Variants in PRDM16 observed in about 807,000 individuals in gnomAD.
PRDM16 encodes histone-lysine N-methyltransferase PRDM16.
In PRDM16, 23 loss-of-function variants were observed where a neutral mutation model predicts 110.6. The ratio of observed to expected loss-of-function variants is 0.21; its 90% CI spans 0.15 to 0.29. The LOEUF (loss-of-function observed/expected upper bound fraction) is 0.29. Ranked by LOEUF, PRDM16 falls within the 10% of genes least tolerant of loss-of-function variation. The pLI, the probability that PRDM16 is intolerant of heterozygous loss-of-function variation, is 1.00. For synonymous variants in PRDM16, 799 were observed against 781.8 expected (o/e 1.02, Z -0.37); for missense variants, 1,615 against 1,794.3 (o/e 0.90, Z 1.81).
At chr1:3,076,915 G>A (rs1641914210) in intron 1 of PRDM16, among the ~76,000 whole-genome samples, 1 of 152,038 alleles carries the variant, frequency 6.6e-6, no homozygotes, top group Non-Finnish European at 1.5e-5. Flanking sequence ...TTTTTGGGGG[G>A]GACACAGGAA....
chr1:3,094,586 A>C (rs1311134398), intron 1 of PRDM16, among the ~76,000 whole-genome samples: 1 of 152,336 alleles, frequency 6.6e-6, no homozygotes, highest in East Asian at 1.9e-4. Context: ...CTTGGCCGTC[A>C]CTTCCACTGG....
intron 3 of PRDM16, among the ~76,000 whole-genome samples, chr1:3,258,962 T>C (rs1041666543): frequency 1.3e-5 from 2 of 151,936 alleles, no homozygotes; most frequent in African/African-American, 2.4e-5. Context: ...AAAAATAAAA[T>C]GAGGAGGAGG....
At chr1:3,278,934 G>A (rs1022256457) in intron 3 of PRDM16, among the ~76,000 whole-genome samples, 12 of 152,186 alleles carry the variant, frequency 7.9e-5, no homozygotes, top group African/African-American at 2.2e-4. Context: ...GCTTCCCTCC[G>A]GCCGGCCCTG....
At chr1:3,122,742 C>T (rs1643121420) in intron 1 of PRDM16, among the ~76,000 whole-genome samples, 1 of 152,146 alleles carries the variant, frequency 6.6e-6, no homozygotes, top group Non-Finnish European at 1.5e-5. Flanking sequence ...GTTTCACTAA[C>T]TGGCCAGAAT....
At chr1:3,365,347 T>C (rs542283078) in intron 3 of PRDM16, among the ~76,000 whole-genome samples, 2 of 152,278 alleles carry the variant, frequency 1.3e-5, no homozygotes, top group East Asian at 3.9e-4. Flanking sequence ...GGCTGGGGGC[T>C]GTCCCTGCCC....
intron 3 of PRDM16, among the ~76,000 whole-genome samples, chr1:3,273,581 CAT>C (rs372257583): frequency 1.8e-4 from 28 of 151,860 alleles, no homozygotes; most frequent in South Asian, 1.0e-3. Context: ...CATGTGTGCA[CAT>C]GTGTGGGTAG....
intron 1 of PRDM16, among the ~76,000 whole-genome samples, chr1:3,176,247 G>A (rs1276257966): frequency 2.0e-5 from 3 of 149,226 alleles, no homozygotes. Context: ...ACCTATCTAT[G>A]CATTCATCCA....
At position 3,354,830 on chromosome 1, in the gene PRDM16, T is replaced by C. The variant is rs540888186; in HGVS notation, c.439-30322T>C. 2.6e-5 allele frequency among the ~76,000 whole-genome samples: 4 copies of C among 152,224 alleles called. No homozygotes were observed. The East Asian group carries it at 7.7e-4, about 29-fold the overall frequency. Reference sequence around the variant, plus strand: ...AGACAGGAGGGGACATTTCGATGGATGGCGAGGTCTCCTCTCTCCCAGAGG... The same window carrying C: ...AGACAGGAGGGGACATTTCGATGGACGGCGAGGTCTCCTCTCTCCCAGAGG... On this transcript the variant is annotated intron_variant, in intron 3 of 16. Transcript: ENST00000270722.
rs76160561 is a variant in PRDM16, at chr1:3,256,007, G to C, written c.438+11870G>C. On this transcript the variant is annotated intron_variant, in intron 3 of 16. Coordinates refer to ENST00000270722, the MANE Select transcript of PRDM16 (RefSeq NM_022114.4). ...GGACAGGATTACGTGGCAGAGAGCA[G>C]GTATGTGGCACAGTGACAGCGCCTC... Among the ~76,000 whole-genome samples the C allele has an allele frequency of 5.7e-3, 869 of 152,320 alleles. 15 individuals carry two copies. The highest frequency in any genetic ancestry group is 0.02 in the African/African-American group (817 of 41,566).
At chr1:3,346,570 A>G (rs1301773666) in intron 3 of PRDM16, among the ~76,000 whole-genome samples, 1 of 151,606 alleles carries the variant, frequency 6.6e-6, no homozygotes, top group Non-Finnish European at 1.5e-5. Flanking sequence ...CACCGTCCCC[A>G]GTCTTTGGGG....
In PRDM16 at chr1:3,352,614, C is replaced by T. The variant is rs1326993597; in HGVS notation, c.439-32538C>T. On this transcript the variant is annotated intron_variant, in intron 3 of 16. Transcript: ENST00000270722. ...GCGGGCCTGACCATCTGATGAGAAC[C>T]GCGCAGCACAGCTTGTTCCCGAATA... 3.3e-5 allele frequency among the ~76,000 whole-genome samples: 5 copies of T among 152,288 alleles called. No individual in the cohort carries two copies. In the East Asian group the frequency reaches 9.6e-4, roughly 29 times the overall value.
intron 1 of PRDM16, among the ~76,000 whole-genome samples, chr1:3,158,851 G>A (rs1416974147): frequency 6.8e-6 from 1 of 148,142 alleles, no homozygotes; most frequent in Non-Finnish European, 1.5e-5. Context: ...TCAGCTCACT[G>A]CAACCCCCGC....
At chr1:3,283,916 G>A (rs554842973) in intron 3 of PRDM16, among the ~76,000 whole-genome samples, 1 of 152,394 alleles carries the variant, frequency 6.6e-6, no homozygotes, top group Non-Finnish European at 1.5e-5. Context: ...CGGGAGGAAT[G>A]TGGCTCAGAT....
At chr1:3,423,552 A>G (rs2483232) in intron 12 of PRDM16, among the ~76,000 whole-genome samples, 146,583 of 152,266 alleles carry the variant, frequency 0.96, 70,584 homozygotes, top group East Asian at 1. Flanking sequence ...CCCGAGTGTC[A>G]CCAGGCACGT....
chr1:3,392,366 A>G (rs1643312983), intron 4 of PRDM16, among the ~76,000 whole-genome samples: 2 of 152,228 alleles, frequency 1.3e-5, no homozygotes, highest in African/African-American at 4.8e-5. Flanking sequence ...ACGCTGGTCA[A>G]AAAGAGACAA....
At chr1:3,349,176 G>T (rs948424412) in intron 3 of PRDM16, among the ~76,000 whole-genome samples, 1 of 152,212 alleles carries the variant, frequency 6.6e-6, no homozygotes, top group African/African-American at 2.4e-5. Context: ...ACCTCCGTCC[G>T]CATAGTGCCC....
intron 1 of PRDM16, among the ~76,000 whole-genome samples, chr1:3,104,931 A>G (rs531725552): frequency 3.9e-5 from 6 of 152,260 alleles, no homozygotes; most frequent in African/African-American, 1.4e-4. Flanking sequence ...GTGGCCTCCA[A>G]GGACAGGGCT....
intron 2 of PRDM16, among the ~76,000 whole-genome samples, chr1:3,223,324 G>A (rs1225079496): frequency 2.0e-5 from 3 of 151,976 alleles, no homozygotes; most frequent in Admixed American, 2.0e-4. Flanking sequence ...GGGAGCAAAC[G>A]TTTCTGGAGT....
intron 3 of PRDM16, among the ~76,000 whole-genome samples, chr1:3,293,144 C>T (rs916237974): frequency 1.3e-5 from 2 of 152,252 alleles, no homozygotes; most frequent in African/African-American, 2.4e-5. Context: ...GGCCGGGGCT[C>T]AGACACGTGT....
Sources: allele counts gnomAD v4.1 joint callset (sites outside exome capture counted in the v4.1 genomes callset), GRCh38; gene constraint gnomAD v4.1.1; transcripts MANE v1.5; gene names NCBI Gene and HGNC (gene_info 2026-07-23, HGNC 2026-07-21).